PARVB: variants seen among roughly 807,000 people sequenced by gnomAD.
PARVB encodes beta-parvin.
PARVB carries 46 observed loss-of-function variants against 47.0 expected under a neutral mutation model. The observed-to-expected ratio is 0.98, with a 90% CI of 0.77 to 1.25. The LOEUF (loss-of-function observed/expected upper bound fraction) is 1.25. Among genes scored for constraint, PARVB ranks in the 50% most tolerant of loss-of-function variants. The probability of loss-of-function intolerance (pLI) is 0.00; values close to 1 mark genes in which losing one functional copy is unlikely to be tolerated. For synonymous variants in PARVB, 196 were observed against 196.3 expected, an observed-to-expected ratio of 1.00 and a Z score of 0.01; for missense variants, 473 against 471.6, an observed-to-expected ratio of 1.00 and a Z score of -0.03.
chr22:44,057,138 T>C (rs1021208193), intron 1 of PARVB, among the ~76,000 whole-genome samples: 2 of 152,004 alleles, frequency 1.3e-5, no homozygotes, highest in Non-Finnish European at 2.9e-5. Flanking sequence ...ATGCTCAGTT[T>C]AGAAGCGTGT....
chr22:44,085,057 A>G (rs1254425743), intron 1 of PARVB, among the ~76,000 whole-genome samples: 1 of 152,086 alleles, frequency 6.6e-6, no homozygotes, highest in Non-Finnish European at 1.5e-5. Flanking sequence ...ATGCCCTTTC[A>G]TTTCTTTTTC....
intron 2 of PARVB, chr22:43,999,750 T>C (rs946600895): frequency 2.0e-6 from 2 of 1,009,588 alleles, no homozygotes; most frequent in Non-Finnish European, 3.0e-6. Flanking sequence ...CCCTAGCACT[T>C]TGGGAGGCTG....
chr22:44,127,756 A>G (rs1484846520), intron 4 of PARVB, among the ~76,000 whole-genome samples: 2 of 38,550 alleles, frequency 5.2e-5, no homozygotes, highest in Admixed American at 2.5e-4. Context: ...CCCAGAGTGA[A>G]CCAGCAGGAC....
intron 4 of PARVB, among the ~76,000 whole-genome samples, chr22:44,126,264 A>C (rs2053183924): frequency 6.6e-6 from 1 of 152,204 alleles, no homozygotes; most frequent in Non-Finnish European, 1.5e-5. Context: ...TAAGGTGAGA[A>C]TCCCCATCTT....
At chr22:44,056,174 C>T (rs2051307498) in intron 1 of PARVB, among the ~76,000 whole-genome samples, 1 of 152,270 alleles carries the variant, frequency 6.6e-6, no homozygotes, top group African/African-American at 2.4e-5. Context: ...CGAGTTTACG[C>T]AGTAGCCTAG....
chr22:44,146,828 C>T (rs2053696176), intron 8 of PARVB: 1 of 152,538 alleles, frequency 6.6e-6, no homozygotes, highest in African/African-American at 2.4e-5. Context: ...GGGCCCCAGC[C>T]TGGCTGGTAA....
At chr22:44,069,825 G>A (rs538391287) in intron 1 of PARVB, among the ~76,000 whole-genome samples, 4 of 152,302 alleles carry the variant, frequency 2.6e-5, no homozygotes, top group African/African-American at 9.6e-5. Flanking sequence ...CACCGCGCCC[G>A]GCCATGGGTT....
chr22:44,002,550 G>C (rs1407804212), intron 2 of PARVB, among the ~76,000 whole-genome samples: 2 of 152,150 alleles, frequency 1.3e-5, no homozygotes, highest in Non-Finnish European at 2.9e-5. Flanking sequence ...CGGGTGCGTG[G>C]TCTCTGCGCT....
At chr22:44,034,850 A>G (rs8141911) in intron 1 of PARVB, among the ~76,000 whole-genome samples, 51,974 of 151,096 alleles carry the variant, frequency 0.34, 10,901 homozygotes, top group African/African-American at 0.59. Context: ...AGCTGGGATT[A>G]CAGGCGTGCA....
intron 1 of PARVB, among the ~76,000 whole-genome samples, chr22:44,041,768 C>T (rs1196867541): frequency 3.9e-5 from 6 of 152,080 alleles, no homozygotes; most frequent in African/African-American, 7.2e-5. Context: ...TGCCTGTGGT[C>T]CCAGCTACCC....
intron 11 of PARVB, among the ~76,000 whole-genome samples, chr22:44,163,132 C>T (rs538772763): frequency 2.6e-5 from 4 of 152,284 alleles, no homozygotes; most frequent in African/African-American, 7.2e-5. Flanking sequence ...TGCCTCTGCA[C>T]GGGACTCATC....
chr22:44,135,778 C>T (rs530573971), intron 6 of PARVB, among the ~76,000 whole-genome samples: 1 of 152,330 alleles, frequency 6.6e-6, no homozygotes, highest in East Asian at 1.9e-4. Context: ...CTTCCTGCCT[C>T]CTCCAGCTTC....
intron 10 of PARVB, chr22:44,151,891 T>C (rs1429254626): frequency 3.7e-6 from 1 of 269,908 alleles, no homozygotes; most frequent in African/African-American, 2.2e-5. Context: ...TCCCAGCTTC[T>C]GTGGTTTTGC....
intron 4 of PARVB, 79 bp from the exon 5 acceptor site, chr22:44,131,408 C>A: frequency 6.6e-7 from 1 of 1,513,546 alleles, no homozygotes; most frequent in Non-Finnish European, 9.0e-7. Flanking sequence ...TCTCAAACTG[C>A]TGGGATTACA....
At chr22:44,077,280 C>A in intron 1 of PARVB, among the ~76,000 whole-genome samples, 1 of 152,174 alleles carries the variant, frequency 6.6e-6, no homozygotes, top group Non-Finnish European at 1.5e-5. Context: ...TGCCGTGGGC[C>A]ACATCACTCC....
chr22:44,166,903 G>A (rs1012026179), intron 12 of PARVB, among the ~76,000 whole-genome samples: 6 of 152,192 alleles, frequency 3.9e-5, no homozygotes, highest in South Asian at 2.1e-4. Context: ...CAGTGGCTGC[G>A]GTCTCCCTGA....
intron 1 of PARVB, among the ~76,000 whole-genome samples, chr22:44,076,723 G>T (rs1341172669): frequency 3.3e-5 from 5 of 152,074 alleles, no homozygotes; most frequent in Non-Finnish European, 5.9e-5. Flanking sequence ...ATAAGCCAGG[G>T]TGCCTGCCCC....
upstream of PARVB, among the ~76,000 whole-genome samples, chr22:44,021,084 C>T (rs995835416): frequency 6.6e-6 from 1 of 152,198 alleles, no homozygotes; most frequent in African/African-American, 2.4e-5. Context: ...CGCCTGGCCC[C>T]CCTTTTGGGT....
intron 11 of PARVB, among the ~76,000 whole-genome samples, chr22:44,162,216 T>C (rs1412717430): frequency 6.6e-6 from 1 of 152,288 alleles, no homozygotes; most frequent in African/African-American, 2.4e-5. Flanking sequence ...AAGCCTCTTT[T>C]TCCTGGTTAA....
Sources: gnomAD v4.1 joint callset for allele counts (sites outside exome capture counted in the v4.1 genomes callset) on GRCh38, gnomAD v4.1.1 for gene constraint, MANE v1.5 for transcripts, NCBI Gene and HGNC (gene_info 2026-07-23, HGNC 2026-07-21) for gene names.